SCHIP1: variants seen among roughly 807,000 people sequenced by gnomAD.
The protein encoded by SCHIP1 is schwannomin-interacting protein 1.
SCHIP1 carries 8 observed loss-of-function variants against 29.7 expected under a neutral mutation model. The observed-to-expected ratio is 0.27, with a 90% CI of 0.16 to 0.49. The LOEUF (loss-of-function observed/expected upper bound fraction) is 0.49. Among genes scored for constraint, SCHIP1 ranks in the 20% least tolerant of loss-of-function variants. SCHIP1 has a pLI of 0.99. For synonymous variants in SCHIP1, 76 were observed against 94.9 expected (o/e 0.80, Z 1.16); for missense variants, 193 against 294.6 (o/e 0.66, Z 2.52).
the SCHIP1 span, among the ~76,000 whole-genome samples, chr3:159,826,625 C>G: frequency 1.3e-5 from 2 of 152,156 alleles, no homozygotes; most frequent in Admixed American, 6.5e-5. Context: ...CAAACCAACC[C>G]TAAAGTCCCT....
the SCHIP1 span, chr3:159,273,512 C>G: frequency 7.0e-6 from 8 of 1,140,114 alleles, no homozygotes; most frequent in South Asian, 2.1e-4. Flanking sequence ...CTCCGAGTAG[C>G]CTTGTCTTCT....
chr3:159,344,428 T>C, the SCHIP1 span, among the ~76,000 whole-genome samples: 2 of 151,974 alleles, frequency 1.3e-5, no homozygotes, highest in Admixed American at 1.3e-4. Flanking sequence ...CTACCTCAAC[T>C]AGTTCATCAA....
chr3:159,683,896 CTT>C, the SCHIP1 span, among the ~76,000 whole-genome samples: 1 of 151,750 alleles, frequency 6.6e-6, no homozygotes, highest in Non-Finnish European at 1.5e-5. Flanking sequence ...TCTGCAAAGA[CTT>C]TGTTTCCTTT....
At chr3:159,831,988 C>G in the SCHIP1 span, among the ~76,000 whole-genome samples, 1 of 152,196 alleles carries the variant, frequency 6.6e-6, no homozygotes, top group East Asian at 1.9e-4. Flanking sequence ...ATTATCTATA[C>G]TTAACACACG....
chr3:159,347,925 G>C, the SCHIP1 span, among the ~76,000 whole-genome samples: 6 of 152,138 alleles, frequency 3.9e-5, no homozygotes, highest in African/African-American at 1.2e-4. Context: ...AATTTGAAAA[G>C]AGGAAATTAT....
chr3:159,277,000 C>T, the SCHIP1 span, among the ~76,000 whole-genome samples: 1 of 152,184 alleles, frequency 6.6e-6, no homozygotes, highest in African/African-American at 2.4e-5. Context: ...AGTTGACTCA[C>T]TACATCACAC....
the SCHIP1 span, among the ~76,000 whole-genome samples, chr3:159,309,654 A>G: frequency 3.3e-5 from 5 of 152,040 alleles, no homozygotes; most frequent in African/African-American, 4.8e-5. Flanking sequence ...CTCCTTGTTC[A>G]TCTTCCTCTT....
chr3:159,400,081 T>C, the SCHIP1 span, among the ~76,000 whole-genome samples: 1 of 152,234 alleles, frequency 6.6e-6, no homozygotes, highest in Admixed American at 6.5e-5. Context: ...CACAGGTTGA[T>C]AGCAAGAACT....
At chr3:159,354,185 C>A in the SCHIP1 span, among the ~76,000 whole-genome samples, 1 of 152,186 alleles carries the variant, frequency 6.6e-6, no homozygotes, top group African/African-American at 2.4e-5. Context: ...TAGATTCACT[C>A]CATAATTTCA....
the SCHIP1 span, among the ~76,000 whole-genome samples, chr3:159,429,004 C>G: frequency 7.3e-6 from 1 of 136,892 alleles, no homozygotes; most frequent in Admixed American, 8.5e-5. Flanking sequence ...AATGAGAACA[C>G]ATGGACACAG....
chr3:159,836,183 G>A (rs1250678518), upstream of SCHIP1, among the ~76,000 whole-genome samples: 2 of 152,148 alleles, frequency 1.3e-5, no homozygotes, highest in African/African-American at 4.8e-5. Context: ...CATAAACTGG[G>A]TAGCTTATAA....
rs1033852773 is a variant in SCHIP1 at position 159,863,754 on chromosome 3, G to C, written c.31-2409G>C. Among the ~76,000 whole-genome samples, 58 of 152,222 alleles carry C rather than the reference G, an allele frequency of 3.8e-4. 1 individual carries two copies. The highest frequency in any genetic ancestry group is 1.0e-4 in the Non-Finnish European group (7 of 68,034). ...AGAGAGAGAAGGAGAGGGGGAAAGA[G>C]AGTGTATTATAAAACAGTCCTCTTT... On this transcript the variant is annotated intron_variant, in intron 1 of 6. Transcript: ENST00000445224.
chr3:159,616,985 G>A, the SCHIP1 span, among the ~76,000 whole-genome samples: 1 of 152,100 alleles, frequency 6.6e-6, no homozygotes, highest in Non-Finnish European at 1.5e-5. Context: ...GTAGCCAATG[G>A]GTACTCTACT....
chr3:159,626,179 TCTAGATAGATAGATAGATAGATAG>T, the SCHIP1 span, among the ~76,000 whole-genome samples: 2 of 106,960 alleles, frequency 1.9e-5, 1 homozygote, highest in African/African-American at 1.0e-4. Flanking sequence ...TATCTATCTA[TCTAGATAGATAGATAGATAGATAG>T]ATAGATATAT....
At chr3:159,473,691 A>G in the SCHIP1 span, among the ~76,000 whole-genome samples, 2 of 149,738 alleles carry the variant, frequency 1.3e-5, no homozygotes, top group East Asian at 1.9e-4. Context: ...AAAAAAAAAA[A>G]AAAGAAAAGA....
At chr3:159,498,307 GAGC>G in the SCHIP1 span, among the ~76,000 whole-genome samples, 2 of 152,134 alleles carry the variant, frequency 1.3e-5, no homozygotes, top group Non-Finnish European at 2.9e-5. Flanking sequence ...CTTGTTCAAA[GAGC>G]AGCAATTTTA....
chr3:159,343,232 A>T, the SCHIP1 span, among the ~76,000 whole-genome samples: 2 of 152,232 alleles, frequency 1.3e-5, no homozygotes, highest in African/African-American at 4.8e-5. Flanking sequence ...ATTTCAATAT[A>T]CTTAACCATA....
At chr3:159,440,824 C>T in the SCHIP1 span, among the ~76,000 whole-genome samples, 35 of 152,226 alleles carry the variant, frequency 2.3e-4, no homozygotes, top group Middle Eastern at 3.4e-3. Flanking sequence ...ATACTCAGAG[C>T]GGGTTATTAT....
chr3:159,747,087 A>G, the SCHIP1 span, among the ~76,000 whole-genome samples: 1 of 152,230 alleles, frequency 6.6e-6, no homozygotes, highest in South Asian at 2.1e-4. Flanking sequence ...CTCTCTCCCC[A>G]GATATCCAAC....
Sources: allele counts gnomAD v4.1 joint callset (sites outside exome capture counted in the v4.1 genomes callset), GRCh38; gene constraint gnomAD v4.1.1; transcripts MANE v1.5; gene names NCBI Gene and HGNC (gene_info 2026-07-23, HGNC 2026-07-21).